The following ARPC3 variants were observed in gnomAD, a reference collection of about 807,000 sequenced individuals.
ARPC3 encodes actin related protein 2/3 complex subunit 3.
ARPC3 carries 12 observed loss-of-function variants against 27.6 expected under a neutral mutation model. The observed-to-expected ratio is 0.43, with a 90% CI of 0.28 to 0.70. ARPC3 has a LOEUF of 0.70. Ranked by LOEUF, ARPC3 falls within the 30% of genes least tolerant of loss-of-function variation. The probability of loss-of-function intolerance (pLI) is 0.17; values close to 1 mark genes in which losing one functional copy is unlikely to be tolerated. For synonymous variants in ARPC3, 53 were observed against 67.2 expected (o/e 0.79, Z 1.03); for missense variants, 153 against 207.7 (o/e 0.74, Z 1.62).
intron 1 of ARPC3, 140 bp downstream of exon 1, chr12:110,450,115 T>C: frequency 1.6e-6 from 2 of 1,269,436 alleles, no homozygotes; most frequent in Non-Finnish European, 2.2e-6. Flanking sequence ...CAGCAACCGG[T>C]CCCCTCCCCT....
chr12:110,450,231 CCA>C, intron 1 of ARPC3, 22 bp downstream of exon 1: 1 of 1,614,002 alleles, frequency 6.2e-7, no homozygotes, highest in Non-Finnish European at 8.5e-7. Context: ...CGCTGTCTCC[CCA>C]CACCGTGGAT....
chr12:110,439,903 AG>A (rs1218929372), intron 3 of ARPC3, among the ~76,000 whole-genome samples: 1 of 152,236 alleles, frequency 6.6e-6, no homozygotes, highest in African/African-American at 2.4e-5. Context: ...AGATACTTCT[AG>A]CAAGGGGTTG....
At chr12:110,439,358 G>A (rs927219879) in intron 3 of ARPC3, among the ~76,000 whole-genome samples, 35 of 152,270 alleles carry the variant, frequency 2.3e-4, no homozygotes, top group Middle Eastern at 3.4e-3. Flanking sequence ...CTCAAGCAAT[G>A]TGCCCAGAGA....
Position 110,437,109 on chromosome 12 carries a change from G to C in ARPC3, c.227C>G (p.Ser76Cys). The C allele has an allele frequency of 6.2e-7, 1 of 1,603,558 alleles. No homozygotes were observed. The highest frequency in any genetic ancestry group is 8.5e-7 in the Non-Finnish European group (1 of 1,170,940). Reference protein sequence around the residue: ...RTLIYITLYISECLKKLQKCN... With the variant: ...RTLIYITLYICECLKKLQKCN... ...CTTTTGCAGTTTCTTCAGACATTCAGAAATGTAGAGAGTTATATATATCAA... is the reference window on the plus strand; with the variant it reads ...CTTTTGCAGTTTCTTCAGACATTCACAAATGTAGAGAGTTATATATATCAA... Residue 76 changes from serine (S) to cysteine (C), a missense_variant, in exon 4 of 7, where the codon TCT becomes TGT. By Grantham distance (112) the Ser-to-Cys change is moderately radical. Coordinates refer to ENST00000228825, the MANE Select transcript of ARPC3 (RefSeq NM_001278556.2).
At chr12:110,435,613 A>G (rs375734569) in intron 6 of ARPC3, among the ~76,000 whole-genome samples, 2 of 151,950 alleles carry the variant, frequency 1.3e-5, no homozygotes, top group East Asian at 3.9e-4. Flanking sequence ...TAGAGGCGTG[A>G]GCCACCGCGC....
chr12:110,436,707 T>TACACAC lies in ARPC3; in HGVS notation c.253-25_253-24insGTGTGT, dbSNP rs1456376142. On this transcript the variant is annotated intron_variant, in intron 4 of 6. Transcript: ENST00000228825. Reference sequence around the variant, plus strand: ...CACTGGAAAAAAAAATATATATATATATATACACACACACACACACACACA... The same window carrying TACACAC: ...CACTGGAAAAAAAAATATATATATATACACACATATACACACACACACACACACACA... 7.2e-5 allele frequency: 59 copies of TACACAC among 821,570 alleles called. No individual in the cohort carries two copies. In the African/African-American group the frequency reaches 1.2e-3, roughly 16 times the overall value. The allele number at this position is 821,570 out of a possible 1,614,324, so 50.9% of individuals were successfully genotyped here. A position where few individuals can be genotyped will look rare whatever the true frequency, so the allele number is the denominator to read the frequency against.
At chr12:110,447,138 C>T (rs1386100271) in intron 1 of ARPC3, among the ~76,000 whole-genome samples, 1 of 152,200 alleles carries the variant, frequency 6.6e-6, no homozygotes, top group Non-Finnish European at 1.5e-5. Flanking sequence ...TCAGCTCTGC[C>T]ACTTCATGGC....
intron 6 of ARPC3, among the ~76,000 whole-genome samples, chr12:110,435,622 G>A (rs559519186): frequency 6.6e-5 from 10 of 151,930 alleles, no homozygotes; most frequent in East Asian, 3.9e-4. Context: ...GAGCCACCGC[G>A]CCTGGCCATA....
intron 2 of ARPC3, among the ~76,000 whole-genome samples, chr12:110,441,614 T>C (rs536807383): frequency 6.6e-6 from 1 of 152,152 alleles, no homozygotes. Flanking sequence ...CACCACAGAC[T>C]TGAATTCCTG....
At chr12:110,445,072 T>G (rs184403178) in intron 2 of ARPC3, 13 of 231,012 alleles carry the variant, frequency 5.6e-5, no homozygotes, top group Non-Finnish European at 8.7e-6. Flanking sequence ...ATAAAGGAAG[T>G]AGATTTAGAC....
chr12:110,449,083 G>T (rs2062483910), intron 1 of ARPC3, among the ~76,000 whole-genome samples: 2 of 151,702 alleles, frequency 1.3e-5, no homozygotes, highest in Admixed American at 6.6e-5. Flanking sequence ...CACCCATCTA[G>T]CTTCTTTATA....
intron 5 of ARPC3, 136 bp from the exon 6 acceptor site, chr12:110,436,340 T>C: frequency 1.8e-6 from 2 of 1,083,178 alleles, no homozygotes; most frequent in South Asian, 1.5e-5. Context: ...ACAGTCCAGA[T>C]AGTTTTATAA....
At chr12:110,437,556 C>CG (rs1354749508) in intron 3 of ARPC3, among the ~76,000 whole-genome samples, 16 of 152,042 alleles carry the variant, frequency 1.1e-4, no homozygotes, top group Admixed American at 9.2e-4. Flanking sequence ...TTAGTAGAGA[C>CG]GGGGTTTCAC....
At chr12:110,447,804 A>C (rs1365192802) in intron 1 of ARPC3, among the ~76,000 whole-genome samples, 2 of 151,540 alleles carry the variant, frequency 1.3e-5, no homozygotes, top group African/African-American at 2.4e-5. Flanking sequence ...CCCTCCCCCC[A>C]AAAAAACAAA....
Position 110,437,971 on chromosome 12 carries a change from T to C in ARPC3, c.184-819A>G, listed in dbSNP as rs1243532204. On this transcript the variant is annotated intron_variant, in intron 3 of 6. Transcript: ENST00000228825. Reference sequence around the variant, plus strand: ...TGTGGAGAAGACAAATGAATGTTGATCAAATGTGGTATGGACTTTGGGTCA... The same window carrying C: ...TGTGGAGAAGACAAATGAATGTTGACCAAATGTGGTATGGACTTTGGGTCA... Among the ~76,000 whole-genome samples, 4 of 152,078 alleles carry C rather than the reference T, an allele frequency of 2.6e-5. No individual in the cohort carries two copies. In the East Asian group the frequency reaches 7.7e-4, roughly 29 times the overall value.
At chr12:110,445,381 C>A in intron 2 of ARPC3, 71 bp downstream of exon 2, 1 of 1,226,050 alleles carries the variant, frequency 8.2e-7, no homozygotes, top group Non-Finnish European at 1.2e-6. Flanking sequence ...AAGAATTTTT[C>A]TGATTTGATC....
chr12:110,445,730 G>A (rs2062460945), intron 1 of ARPC3, 179 bp from the exon 2 acceptor site: 1 of 634,634 alleles, frequency 1.6e-6, no homozygotes, highest in South Asian at 1.7e-5. Flanking sequence ...AAAACCAATT[G>A]TTAAATTTTG....
rs186552853 is a variant in ARPC3 at position 110,449,484 on chromosome 12, C to T, written c.6+771G>A. Reference sequence around the variant, plus strand: ...GGCTGAGGCACGAGAATTGCTTGAACCAGGGTGGTGGAAGTTGTAGTGAGC... The same window carrying T: ...GGCTGAGGCACGAGAATTGCTTGAATCAGGGTGGTGGAAGTTGTAGTGAGC... On this transcript the variant is annotated intron_variant, in intron 1 of 6. Coordinates refer to ENST00000228825, the MANE Select transcript of ARPC3 (RefSeq NM_001278556.2). Among the ~76,000 whole-genome samples the T allele has an allele frequency of 3.7e-3, 569 of 152,144 alleles. 6 individuals carry two copies. The highest frequency in any genetic ancestry group is 6.2e-3 in the Non-Finnish European group (424 of 67,994).
At chr12:110,447,572 A>G (rs1224508316) in intron 1 of ARPC3, among the ~76,000 whole-genome samples, 1 of 152,196 alleles carries the variant, frequency 6.6e-6, no homozygotes, top group Admixed American at 6.5e-5. Context: ...CAGAAGATCG[A>G]GACCACCCTG....
Sources: gnomAD v4.1 joint callset for allele counts (sites outside exome capture counted in the v4.1 genomes callset) on GRCh38, gnomAD v4.1.1 for gene constraint, MANE v1.5 for transcripts, NCBI Gene and HGNC (gene_info 2026-07-23, HGNC 2026-07-21) for gene names.